The following PTX4 variants were observed in gnomAD, a reference collection of about 807,000 sequenced individuals.
The protein encoded by PTX4 is pentraxin 4.
A neutral mutation model predicts 19.1 loss-of-function variants in PTX4; 23 were observed. The observed-to-expected ratio is 1.20, with a 90% CI of 0.87 to 1.70. The LOEUF is 1.70. PTX4 is among the 40% of genes most tolerant of loss of function. The pLI, the probability that PTX4 is intolerant of heterozygous loss-of-function variation, is 0.00. For synonymous variants in PTX4, 317 were observed against 279.6 expected (o/e 1.13, Z -1.33); for missense variants, 678 against 610.5 (o/e 1.11, Z -1.17).
Position 1,486,545 on chromosome 16 carries a change from G to A in PTX4, c.831C>T (p.Asn277=), listed in dbSNP as rs566203805. ...GGAAGACCACGTTCCTGGTGGAGGC[G>A]TTTGGGAAAACGAGGGTGGGGCCCA... The part of the protein sequence containing the change: ...CGVGPTLVFP[N]ASTRNVVFLS... Residue 277 remains asparagine (N), a synonymous_variant, in exon 3 of 3, where the codon AAC becomes AAT. Coordinates refer to ENST00000447419, the MANE Select transcript of PTX4 (RefSeq NM_001328608.2). 2.2e-5 allele frequency: 35 copies of A among 1,563,890 alleles called. No homozygotes were observed. The Admixed American group carries it at 2.5e-4, about 11-fold the overall frequency.
In PTX4 at chr16:1,487,621, TG is replaced by T. The variant is rs780747238; in HGVS notation, c.490del (p.Gln164ArgfsTer41). Reference sequence around the variant, plus strand: ...CTCCAGAGCAGCCAGCCTGGCGCCCTGGCTGTGGACGAGGCCCTCCAGGCGT... The same window carrying T: ...CTCCAGAGCAGCCAGCCTGGCGCCCTGCTGTGGACGAGGCCCTCCAGGCGT... The part of the protein sequence containing the change: ...LARLEGLVHS[Q>X]GARLAALEGR... On this transcript the variant is annotated frameshift_variant, in exon 2 of 3. Coordinates refer to ENST00000447419, the MANE Select transcript of PTX4 (RefSeq NM_001328608.2). LOFTEE classifies it high-confidence loss of function. 1.9e-6 allele frequency: 3 copies of T among 1,575,080 alleles called. No homozygotes were observed. In the Admixed American group the frequency reaches 5.3e-5, roughly 28 times the overall value.
In PTX4 at chr16:1,486,179, C is replaced by T. The variant is rs200405540; in HGVS notation, c.1197G>A (p.Gly399=). ...FREGYEIPPG[G]SLVLGQEQDS... ...CTTGTTCCTGGCCCAGCACGAGGGACCCTCCGGGGGGGATCTCATAGCCCT... is the reference window on the plus strand; with the variant it reads ...CTTGTTCCTGGCCCAGCACGAGGGATCCTCCGGGGGGGATCTCATAGCCCT... Residue 399 remains glycine (G), a synonymous_variant, in exon 3 of 3, where the codon GGG becomes GGA. Coordinates refer to ENST00000447419, the MANE Select transcript of PTX4 (RefSeq NM_001328608.2). 177 of 1,613,980 alleles carry T rather than the reference C, an allele frequency of 1.1e-4. No individual in the cohort carries two copies. Among genetic ancestry groups the T allele is most frequent in the East Asian group, 1.6e-4 (7 of 44,888 alleles).
At chr16:1,488,225 C>G in intron 1 of PTX4, 1 of 1,446,266 alleles carries the variant, frequency 6.9e-7, no homozygotes, top group Non-Finnish European at 9.5e-7. Flanking sequence ...CTGATCCCCA[C>G]CGCTCACCCC....
chr16:1,486,168 A>C lies in PTX4; in HGVS notation c.1208T>G (p.Leu403Arg). Residue 403 changes from leucine to arginine, a missense_variant, in exon 3 of 3, where the codon CTG (leucine) becomes CGG (arginine). By Grantham distance (102) the Leu-to-Arg change is moderately radical. Coordinates refer to ENST00000447419, the MANE Select transcript of PTX4 (RefSeq NM_001328608.2). Reference protein sequence around the residue: ...YEIPPGGSLVLGQEQDSVGGG... With the variant: ...YEIPPGGSLVRGQEQDSVGGG... The stretch of plus-strand genomic sequence containing the variant: ...CCCCACGCTGTCTTGTTCCTGGCCC[A>C]GCACGAGGGACCCTCCGGGGGGGAT... 1 of 1,614,082 alleles carries C rather than the reference A, an allele frequency of 6.2e-7. No individual in the cohort carries two copies. The highest frequency in any genetic ancestry group is 8.5e-7 in the Non-Finnish European group (1 of 1,180,004).
chr16:1,487,994 T>C, intron 1 of PTX4, 24 bp from the exon 2 acceptor site: 1 of 1,471,548 alleles, frequency 6.8e-7, no homozygotes, highest in Non-Finnish European at 9.1e-7. Flanking sequence ...ACGGTGATGA[T>C]GGGGCGGGCC....
chr16:1,486,505 C>T lies in PTX4; in HGVS notation c.871G>A (p.Val291Ile), dbSNP rs9926625. The change falls in exon 3 of 3, where the codon GTC becomes ATC. Residue 291 changes from valine (V) to isoleucine (I), a missense_variant. Val to Ile is a conservative substitution (Grantham distance 29, BLOSUM62 3). Transcript: ENST00000447419. ...AAGGACAGGGCTCGCAGGGCAGTGA[C>T]GAAACCAGGGCTGAGGAAGACCACG... is the stretch of plus-strand genomic sequence containing the variant. ...RNVVFLSPGF[V>I]TALRALSFCS... The T allele has an allele frequency of 7.0e-3, 11,282 of 1,606,564 alleles. 711 individuals are homozygous for T. In the African/African-American group the frequency reaches 0.13, roughly 19 times the overall value.
At position 1,487,420 on chromosome 16, in the gene PTX4, T is replaced by C. The variant is rs1469582308; in HGVS notation, c.692A>G (p.Gln231Arg). The C allele has an allele frequency of 8.5e-6, 13 of 1,526,948 alleles. No homozygotes were observed. Among genetic ancestry groups the C allele is most frequent in the Non-Finnish European group, 1.1e-5 (13 of 1,142,784 alleles). The allele number at this position is 1,526,948 out of a possible 1,614,324, so 94.6% of individuals were successfully genotyped here. A position where few individuals can be genotyped will look rare whatever the true frequency, so the allele number is the denominator to read the frequency against. ...TGAGGCTGGAGGCTCCCGCCTCCCTTGGAGAGGGGCCGAGGAGTCCTGTGG... is the reference window on the plus strand; with the variant it reads ...TGAGGCTGGAGGCTCCCGCCTCCCTCGGAGAGGGGCCGAGGAGTCCTGTGG... ...GPPQDSSAPLQGRREPPASGS... is the reference protein window; with the variant it reads ...GPPQDSSAPLRGRREPPASGS... Residue 231 changes from glutamine to arginine, a missense_variant, in exon 2 of 3, where the codon CAA (glutamine) becomes CGA (arginine). Coordinates refer to ENST00000447419, the MANE Select transcript of PTX4 (RefSeq NM_001328608.2).
chr16:1,486,379 G>A lies in PTX4; in HGVS notation c.997C>T (p.Leu333=). Residue 333 remains leucine, a synonymous_variant, in exon 3 of 3, where the codon CTG becomes TTG. Transcript: ENST00000447419. The part of the protein sequence containing the change: ...NKLVLHGRDS[L]LPGSIHFVIG... Reference sequence around the variant, plus strand: ...ACGAAGTGGATGGATCCGGGCAGCAGGGAGTCTCGGCCGTGCAGCACCAGC... The same window carrying A: ...ACGAAGTGGATGGATCCGGGCAGCAAGGAGTCTCGGCCGTGCAGCACCAGC... 1.2e-6 allele frequency: 2 copies of A among 1,613,814 alleles called. No homozygotes were observed. Among genetic ancestry groups the A allele is most frequent in the Non-Finnish European group, 8.5e-7 (1 of 1,179,952 alleles).
Position 1,486,530 on chromosome 16 carries a change from G to C in PTX4, c.846C>G (p.Asn282Lys). The change falls in exon 3 of 3, where the codon AAC becomes AAG. Residue 282 changes from asparagine (N) to lysine (K), a missense_variant. Transcript: ENST00000447419. Reference protein sequence around the residue: ...TLVFPNASTRNVVFLSPGFVT... With the variant: ...TLVFPNASTRKVVFLSPGFVT... ...CGAAACCAGGGCTGAGGAAGACCAC[G>C]TTCCTGGTGGAGGCGTTTGGGAAAA... 2 of 1,579,104 alleles carry C rather than the reference G, an allele frequency of 1.3e-6. No homozygotes were observed. The highest frequency in any genetic ancestry group is 2.3e-5 in the South Asian group (2 of 86,000).
chr16:1,488,605 G>A (rs1461977635), intron 1 of PTX4, 164 bp downstream of exon 1: 2 of 718,912 alleles, frequency 2.8e-6, no homozygotes, highest in South Asian at 1.8e-5. Context: ...CTCTTCCCTG[G>A]TGTCCAACTG....
At chr16:1,488,210 G>C (rs1270332757) in intron 1 of PTX4, 3 of 1,358,216 alleles carry the variant, frequency 2.2e-6, no homozygotes, top group African/African-American at 1.5e-5. Context: ...CCCACAGCTG[G>C]GGCTCTGATC....
In PTX4 at chr16:1,487,608, C is replaced by T. The variant is rs1282310427; in HGVS notation, c.504G>A (p.Leu168=). 4 of 1,569,982 alleles carry T rather than the reference C, an allele frequency of 2.5e-6. No individual in the cohort carries two copies. In the East Asian group the frequency reaches 9.1e-5, roughly 36 times the overall value. Residue 168 remains leucine (L), a synonymous_variant, in exon 2 of 3, where the codon CTG becomes CTA. Coordinates refer to ENST00000447419, the MANE Select transcript of PTX4 (RefSeq NM_001328608.2). The part of the protein sequence containing the change: ...EGLVHSQGAR[L]AALEGRLPVA... ...CGGGCAGCCGCCCCTCCAGAGCAGC[C>T]AGCCTGGCGCCCTGGCTGTGGACGA...
chr16:1,488,490 C>T, intron 1 of PTX4: 1 of 1,605,464 alleles, frequency 6.2e-7, no homozygotes, highest in Non-Finnish European at 8.5e-7. Flanking sequence ...CCCCCATGGC[C>T]CCCAGTTCCC....
rs1369508540 is a variant in PTX4, at chr16:1,488,868, A to T, written c.42T>A (p.Val14=). ...CCCCATGTAGATATATAGGCACAAA[A>T]ACAAGGAAGAAAGACAAGGTCTTCC... ...SWRKTLSFFL[V]FVPIYLHGAS... is the part of the protein sequence containing the mutation. The change falls in exon 1 of 3, where the codon GTT becomes GTA. Residue 14 remains valine, a synonymous_variant. Coordinates refer to ENST00000447419, the MANE Select transcript of PTX4 (RefSeq NM_001328608.2). 1 of 701,884 alleles carries T rather than the reference A, an allele frequency of 1.4e-6. No individual in the cohort carries two copies. Among genetic ancestry groups the T allele is most frequent in the African/African-American group, 1.7e-5 (1 of 57,352 alleles). The allele number at this position is 701,884 out of a possible 1,614,324, so 43.5% of individuals were successfully genotyped here.
In PTX4 at chr16:1,488,413, G is replaced by A. The variant is rs766899912; in HGVS notation, c.141+356C>T. The A allele has an allele frequency of 7.4e-6, 12 of 1,613,690 alleles. No individual in the cohort carries two copies. In the East Asian group the frequency reaches 8.9e-5, roughly 12 times the overall value. On this transcript the variant is annotated intron_variant, in intron 1 of 2. Transcript: ENST00000447419. The stretch of plus-strand genomic sequence containing the variant: ...ACCCCGCGTGGGAGTCCGGGAGGCC[G>A]TTCACACCGACTGCCACAAGGTGGA...
chr16:1,486,110 C>T lies in PTX4; in HGVS notation c.1266G>A (p.Gly422=). 1 of 1,614,228 alleles carries T rather than the reference C, an allele frequency of 6.2e-7. No individual in the cohort carries two copies. Among genetic ancestry groups the T allele is most frequent in the Non-Finnish European group, 8.5e-7 (1 of 1,180,034 alleles). The change falls in exon 3 of 3, where the codon GGG becomes GGA. Residue 422 remains glycine, a synonymous_variant. Transcript: ENST00000447419. The stretch of plus-strand genomic sequence containing the variant: ...CCCAGATAGCCAAGCCAGACATGCT[C>T]CCCACGAAGGCCTCGGAGCTGTCGA... The part of the protein sequence containing the change: ...GGFDSSEAFV[G]SMSGLAIWDR...
chr16:1,486,285 CAG>C lies in PTX4; in HGVS notation c.1089_1090del (p.Ile363MetfsTer31). 2.5e-6 allele frequency: 4 copies of C among 1,613,690 alleles called. No individual in the cohort carries two copies. Among genetic ancestry groups the C allele is most frequent in the Non-Finnish European group, 3.4e-6 (4 of 1,179,966 alleles). On this transcript the variant is annotated frameshift_variant, in exon 3 of 3. Coordinates refer to ENST00000447419, the MANE Select transcript of PTX4 (RefSeq NM_001328608.2). LOFTEE classifies it low-confidence loss of function (END_TRUNC). ...GCCCTGGGTGGACGTCCAGATGACA[CAG>C]ATGTGGTGCCACTGGCCGTCCAGCA...
chr16:1,488,870 C>T lies in PTX4; in HGVS notation c.40G>A (p.Val14Ile). ...CCATGTAGATATATAGGCACAAAAACAAGGAAGAAAGACAAGGTCTTCCTC... is the reference window on the plus strand; with the variant it reads ...CCATGTAGATATATAGGCACAAAAATAAGGAAGAAAGACAAGGTCTTCCTC... ...SWRKTLSFFL[V>I]FVPIYLHGAS... The change falls in exon 1 of 3, where the codon GTT becomes ATT. Residue 14 changes from valine (V) to isoleucine (I), a missense_variant. Transcript: ENST00000447419. 1 of 701,966 alleles carries T rather than the reference C, an allele frequency of 1.4e-6. No homozygotes were observed. Among genetic ancestry groups the T allele is most frequent in the Non-Finnish European group, 2.6e-6 (1 of 384,172 alleles). 43.5% of individuals were successfully genotyped at this position (701,966 alleles called of 1,614,324 possible).
At chr16:1,488,394 C>T (rs559417572) in intron 1 of PTX4, 28 of 1,613,908 alleles carry the variant, frequency 1.7e-5, no homozygotes, top group African/African-American at 1.3e-4. Flanking sequence ...GTGGACCCCG[C>T]GTGGGAGTCC....
Sources: gnomAD v4.1 joint callset for allele counts on GRCh38, gnomAD v4.1.1 for gene constraint, MANE v1.5 for transcripts, NCBI Gene and HGNC (gene_info 2026-07-23, HGNC 2026-07-21) for gene names.